The following GPR149 variants were observed in gnomAD, a reference collection of about 807,000 sequenced individuals.
The protein encoded by GPR149 is probable G protein-coupled receptor 149.
Under a neutral mutation model 50.2 loss-of-function variants are expected in GPR149, and 50 were observed. The ratio of observed to expected loss-of-function variants is 1.00; its 90% CI spans 0.79 to 1.26. GPR149 has a LOEUF of 1.26. GPR149 is among the 50% of genes most tolerant of loss of function. The probability of loss-of-function intolerance (pLI) is 0.00; values close to 1 mark genes in which losing one functional copy is unlikely to be tolerated. For missense variants in GPR149, 983 were observed against 895.4 expected (o/e 1.10, Z -1.25); for synonymous variants, 405 against 358.2 (o/e 1.13, Z -1.48).
chr3:154,377,661 C>T (rs931996649), intron 3 of GPR149, among the ~76,000 whole-genome samples: 6 of 152,008 alleles, frequency 3.9e-5, no homozygotes, highest in East Asian at 3.9e-4. Context: ...CCACTGTGCC[C>T]GGCCCACTCT....
At chr3:154,340,624 T>A (rs1713768602) in intron 3 of GPR149, among the ~76,000 whole-genome samples, 1 of 152,218 alleles carries the variant, frequency 6.6e-6, no homozygotes, top group African/African-American at 2.4e-5. Context: ...GTTACCAAGT[T>A]CTATAAGGTC....
At chr3:154,358,186 T>C (rs942810636) in intron 3 of GPR149, among the ~76,000 whole-genome samples, 1 of 152,310 alleles carries the variant, frequency 6.6e-6, no homozygotes, top group African/African-American at 2.4e-5. Context: ...ATATACCTAA[T>C]GTTAAATGAC....
At chr3:154,382,788 T>A (rs1343878997) in intron 3 of GPR149, among the ~76,000 whole-genome samples, 2 of 152,232 alleles carry the variant, frequency 1.3e-5, no homozygotes, top group Non-Finnish European at 2.9e-5. Context: ...TGTTTTAATT[T>A]AATATACTCA....
rs34219325 is a variant in GPR149 at position 154,377,045 on chromosome 3, T to TA, written c.1624-38775dup. ...AGTGTTAGCACTGGTAGCCCTGAATTAAAAAAAAAAAAAAAAGAGGATAAC... is the reference window on the plus strand; with the variant it reads ...AGTGTTAGCACTGGTAGCCCTGAATTAAAAAAAAAAAAAAAAAGAGGATAAC... On this transcript the variant is annotated intron_variant, in intron 3 of 3. Coordinates refer to ENST00000389740, the MANE Select transcript of GPR149 (RefSeq NM_001038705.3). Among the ~76,000 whole-genome samples, 244 of 128,496 alleles carry TA rather than the reference T, an allele frequency of 1.9e-3. 1 individual carries two copies. Among genetic ancestry groups the TA allele is most frequent in the East Asian group, 0.01 (48 of 4,738 alleles). 84.3% of individuals were successfully genotyped at this position (128,496 alleles called of 152,430 possible).
intron 2 of GPR149, among the ~76,000 whole-genome samples, chr3:154,422,295 C>T (rs1383187029): frequency 6.6e-6 from 1 of 151,224 alleles, no homozygotes; most frequent in Non-Finnish European, 1.5e-5. Context: ...GAATAAAAAG[C>T]AAGAAAGTGA....
intron 3 of GPR149, among the ~76,000 whole-genome samples, chr3:154,346,119 T>C (rs1713919657): frequency 6.6e-6 from 1 of 152,178 alleles, no homozygotes; most frequent in Non-Finnish European, 1.5e-5. Flanking sequence ...TTAATCCCAA[T>C]TAAACTCATA....
At chr3:154,374,941 T>C (rs956138959) in intron 3 of GPR149, among the ~76,000 whole-genome samples, 6 of 152,254 alleles carry the variant, frequency 3.9e-5, no homozygotes, top group African/African-American at 1.4e-4. Flanking sequence ...AGCTATATAA[T>C]GTGGTACAGT....
rs1051666971 is a variant in GPR149 at position 154,341,650 on chromosome 3, G to A, written c.1624-3379C>T. 2.2e-4 allele frequency among the ~76,000 whole-genome samples: 33 copies of A among 152,012 alleles called. No individual in the cohort carries two copies. The East Asian group carries it at 4.8e-3, about 22-fold the overall frequency. On this transcript the variant is annotated intron_variant, in intron 3 of 3. Transcript: ENST00000389740. ...ATGAGAAAACTATTTCGCAACTATG[G>A]CAGTTTTCTTTTAATTTATTGATTT...
chr3:154,365,249 C>A (rs1187358683), intron 3 of GPR149, among the ~76,000 whole-genome samples: 8 of 152,124 alleles, frequency 5.3e-5, no homozygotes, highest in Admixed American at 5.2e-4. Flanking sequence ...CTTGAGGTGA[C>A]CCTGGGCAGC....
At chr3:154,340,003 A>G (rs1177658716) in intron 3 of GPR149, among the ~76,000 whole-genome samples, 1 of 151,802 alleles carries the variant, frequency 6.6e-6, no homozygotes, top group Non-Finnish European at 1.5e-5. Flanking sequence ...TGTGTTAGCC[A>G]GGATGGTCTC....
intron 3 of GPR149, among the ~76,000 whole-genome samples, chr3:154,392,753 T>G (rs1197499234): frequency 2.0e-5 from 3 of 151,436 alleles, no homozygotes; most frequent in Non-Finnish European, 4.4e-5. Context: ...ACATTACAAC[T>G]GATGGAACCA....
intron 3 of GPR149, among the ~76,000 whole-genome samples, chr3:154,399,848 T>C (rs910119033): frequency 3.3e-5 from 5 of 152,196 alleles, no homozygotes; most frequent in African/African-American, 9.7e-5. Flanking sequence ...ACAGTTGCTT[T>C]CACTGAAATT....
chr3:154,337,611 A>G lies in GPR149; in HGVS notation c.*88T>C. On this transcript the variant is annotated 3_prime_UTR_variant, in exon 4 of 4. Coordinates refer to ENST00000389740, the MANE Select transcript of GPR149 (RefSeq NM_001038705.3). ...CAGTAAAACTAATGTAAGCCAACAA[A>G]TAAAAGGAAATCAGTCTCATAACAA... The G allele has an allele frequency of 1.9e-6, 2 of 1,077,212 alleles. No homozygotes were observed. Among genetic ancestry groups the G allele is most frequent in the Non-Finnish European group, 2.6e-6 (2 of 755,258 alleles). 66.7% of individuals were successfully genotyped at this position (1,077,212 alleles called of 1,614,324 possible).
At chr3:154,350,859 A>T (rs1221061587) in intron 3 of GPR149, among the ~76,000 whole-genome samples, 4 of 152,182 alleles carry the variant, frequency 2.6e-5, no homozygotes, top group Non-Finnish European at 5.9e-5. Context: ...ATGTGTATAT[A>T]ATCTGTGCAC....
At position 154,341,219 on chromosome 3, in the gene GPR149, G is replaced by C. The variant is rs894146125; in HGVS notation, c.1624-2948C>G. ...CCCAGAGCAGGGCTCAGTTTTTATA[G>C]ATAATATCCATATTATTGTCTAACA... On this transcript the variant is annotated intron_variant, in intron 3 of 3. Transcript: ENST00000389740. Among the ~76,000 whole-genome samples the C allele has an allele frequency of 4.1e-5, 6 of 145,604 alleles. No individual in the cohort carries two copies. In the South Asian group the frequency reaches 1.3e-3, roughly 31 times the overall value.
chr3:154,351,656 G>A (rs1301580790), intron 3 of GPR149, among the ~76,000 whole-genome samples: 5 of 152,176 alleles, frequency 3.3e-5, no homozygotes, highest in South Asian at 4.1e-4. Context: ...AGCTGCTGGT[G>A]TAGGAACCAT....
chr3:154,344,663 A>G (rs1399138533), intron 3 of GPR149, among the ~76,000 whole-genome samples: 1 of 152,184 alleles, frequency 6.6e-6, no homozygotes. Flanking sequence ...TAAGACAGTC[A>G]TGTGAAGATG....
intron 3 of GPR149, among the ~76,000 whole-genome samples, chr3:154,409,204 C>T (rs192735803): frequency 2.0e-5 from 3 of 152,164 alleles, no homozygotes; most frequent in African/African-American, 4.8e-5. Context: ...GGGATCATCC[C>T]GTGGGACAAA....
At chr3:154,392,379 C>CAAAA (rs1307049727) in intron 3 of GPR149, among the ~76,000 whole-genome samples, 1 of 150,984 alleles carries the variant, frequency 6.6e-6, no homozygotes, top group African/African-American at 2.4e-5. Context: ...AACAAACAAA[C>CAAAA]AAAAAAACCC....
Sources: gnomAD v4.1 joint callset for allele counts (sites outside exome capture counted in the v4.1 genomes callset) on GRCh38, gnomAD v4.1.1 for gene constraint, MANE v1.5 for transcripts, NCBI Gene and HGNC (gene_info 2026-07-23, HGNC 2026-07-21) for gene names.